KANK1: variants seen among roughly 807,000 people sequenced by gnomAD.
KANK1 encodes KN motif and ankyrin repeat domain-containing protein 1.
A neutral mutation model predicts 106.2 loss-of-function variants in KANK1; 109 were observed. The ratio of observed to expected loss-of-function variants is 1.03; its 90% confidence interval spans 0.88 to 1.20. KANK1 has a LOEUF of 1.20. Ranked by LOEUF, KANK1 falls within the 50% of genes most tolerant of loss-of-function variation. The pLI, the probability that KANK1 is intolerant of heterozygous loss-of-function variation, is 0.00. For missense variants in KANK1, 2,399 were observed against 1,710.7 expected, an observed-to-expected ratio of 1.40 and a Z score of -7.10; for synonymous variants, 873 against 652.2, an observed-to-expected ratio of 1.34 and a Z score of -5.16.
At chr9:640,776 A>T (rs893499304) in intron 1 of KANK1, among the ~76,000 whole-genome samples, 5 of 149,458 alleles carry the variant, frequency 3.3e-5, no homozygotes, top group Non-Finnish European at 5.9e-5. Flanking sequence ...GGCTCACTGC[A>T]AGCTCTGCCT....
At chr9:626,410 CAG>C (rs1252757116) in intron 1 of KANK1, among the ~76,000 whole-genome samples, 1 of 152,026 alleles carries the variant, frequency 6.6e-6, no homozygotes, top group Non-Finnish European at 1.5e-5. Context: ...AGCCGGGTGA[CAG>C]AGCGAGACTC....
intron 1 of KANK1, among the ~76,000 whole-genome samples, chr9:511,347 T>C (rs1193587341): frequency 6.6e-6 from 1 of 152,220 alleles, no homozygotes. Flanking sequence ...CTGTGACTTG[T>C]GACTGCTGAG....
rs1589109283 is a variant in KANK1 at position 711,196 on chromosome 9, TCAC to T, written c.434_436del (p.Pro145del). On this transcript the variant is annotated inframe_deletion, in exon 3 of 12. Transcript: ENST00000382297. The stretch of plus-strand genomic sequence containing the variant: ...AGAAAATCGACAGCTGCCACCTCCC[TCAC>T]CACAACTCCCAAAGCATAACCTTCA... 8 of 1,613,900 alleles carry T rather than the reference TCAC, an allele frequency of 5.0e-6. No homozygotes were observed. The East Asian group carries it at 1.8e-4, about 36-fold the overall frequency.
chr9:598,629 T>C (rs1456535300), intron 1 of KANK1, among the ~76,000 whole-genome samples: 12 of 102,678 alleles, frequency 1.2e-4, no homozygotes, highest in Non-Finnish European at 1.5e-4. Context: ...TCTTTTTTTT[T>C]TTTTTTTTTT....
At chr9:633,757 G>T (rs6477051) in intron 1 of KANK1, among the ~76,000 whole-genome samples, 43,453 of 151,986 alleles carry the variant, frequency 0.29, 6,222 homozygotes, top group East Asian at 0.34. Context: ...GACTCAAAGG[G>T]TGTTCCTGCC....
intron 1 of KANK1, among the ~76,000 whole-genome samples, chr9:527,506 G>C (rs942781986): frequency 6.6e-6 from 1 of 151,334 alleles, no homozygotes; most frequent in African/African-American, 2.5e-5. Flanking sequence ...TCACTATGTT[G>C]GCCAGGCTAG....
At chr9:484,793 G>A (rs891314215) in intron 3 of KANK1, among the ~76,000 whole-genome samples, 1 of 152,182 alleles carries the variant, frequency 6.6e-6, no homozygotes, top group Non-Finnish European at 1.5e-5. Flanking sequence ...TGAGCACTGG[G>A]CAGCACCCAG....
intron 3 of KANK1, among the ~76,000 whole-genome samples, chr9:486,056 T>C (rs2058289214): frequency 6.6e-6 from 1 of 152,140 alleles, no homozygotes; most frequent in African/African-American, 2.4e-5. Flanking sequence ...TTCCATCTCT[T>C]GCAATGGGAT....
In KANK1 at chr9:516,998, T is replaced by TACACACACACACACACACACACACACAC. The variant is rs148954863; in HGVS notation, c.-84+12246_-84+12273dup. 2.3e-4 allele frequency among the ~76,000 whole-genome samples: 34 copies of TACACACACACACACACACACACACACAC among 145,558 alleles called. 1 individual carries two copies. In the East Asian group the frequency reaches 3.1e-3, roughly 13 times the overall value. On this transcript the variant is annotated intron_variant, in intron 1 of 11. Coordinates refer to ENST00000382297, the MANE Select transcript of KANK1 (RefSeq NM_015158.5). ...GTGGTTTCTATTCTTCATCACCCTC[T>TACACACACACACACACACACACACACAC]ACACACACACACACACACACACACA...
At chr9:679,682 C>T (rs963162572) in intron 2 of KANK1, among the ~76,000 whole-genome samples, 1 of 152,166 alleles carries the variant, frequency 6.6e-6, no homozygotes, top group Non-Finnish European at 1.5e-5. Context: ...TTTGGGATTA[C>T]AGGCATGAGC....
intron 1 of KANK1, among the ~76,000 whole-genome samples, chr9:593,087 C>G (rs1825368233): frequency 6.6e-6 from 1 of 151,758 alleles, no homozygotes; most frequent in Admixed American, 6.6e-5. Context: ...TTAGATAATT[C>G]TGGCCGCCAG....
chr9:582,838 G>A (rs981309142), intron 1 of KANK1, among the ~76,000 whole-genome samples: 2 of 152,312 alleles, frequency 1.3e-5, no homozygotes, highest in Non-Finnish European at 2.9e-5. Context: ...ACAAAAGCGT[G>A]GGTTCAGATG....
intron 1 of KANK1, among the ~76,000 whole-genome samples, chr9:553,407 A>G (rs2061395097): frequency 6.6e-6 from 1 of 152,134 alleles, no homozygotes; most frequent in Non-Finnish European, 1.5e-5. Context: ...TGTGATTTTT[A>G]TTAAACATTT....
intron 1 of KANK1, among the ~76,000 whole-genome samples, chr9:615,103 C>G (rs536291309): frequency 6.6e-6 from 1 of 152,150 alleles, no homozygotes; most frequent in African/African-American, 2.4e-5. Context: ...CCATACCCAG[C>G]TAATTTTTAA....
At chr9:657,716 A>G (rs1367562814) in intron 1 of KANK1, among the ~76,000 whole-genome samples, 2 of 152,158 alleles carry the variant, frequency 1.3e-5, no homozygotes, top group South Asian at 2.1e-4. Flanking sequence ...CGTTGGTAAC[A>G]TAAATTTAAC....
intron 3 of KANK1, among the ~76,000 whole-genome samples, chr9:483,662 TAATGA>T (rs1259649295): frequency 1.3e-5 from 2 of 152,194 alleles, no homozygotes; most frequent in Non-Finnish European, 2.9e-5. Flanking sequence ...CATTGATCCA[TAATGA>T]AATGGAAGTT....
At chr9:471,919 G>T (rs578082643) in intron 2 of KANK1, among the ~76,000 whole-genome samples, 10 of 152,278 alleles carry the variant, frequency 6.6e-5, no homozygotes, top group Admixed American at 2.6e-4. Context: ...ACCAGGGACT[G>T]CGGCTGACTC....
rs555490051 is a variant in KANK1 at position 659,704 on chromosome 9, G to C, written c.-83-17186G>C. Among the ~76,000 whole-genome samples, 356 of 152,084 alleles carry C rather than the reference G, an allele frequency of 2.3e-3. 1 individual carries two copies. Among genetic ancestry groups the C allele is most frequent in the Non-Finnish European group, 3.9e-3 (264 of 67,992 alleles). On this transcript the variant is annotated intron_variant, in intron 1 of 11. Transcript: ENST00000382297. ...ATGTGGTGGGAGCAGGAGAAAAAGA[G>C]GGAAGAAGGTAATGCTATGCACTTT... is the stretch of plus-strand genomic sequence containing the variant.
chr9:633,206 C>A (rs1361096144), intron 1 of KANK1, among the ~76,000 whole-genome samples: 1 of 152,068 alleles, frequency 6.6e-6, no homozygotes, highest in Non-Finnish European at 1.5e-5. Context: ...GCCTGCAATC[C>A]CAGCACTTTG....
Sources: gnomAD v4.1 joint callset for allele counts (sites outside exome capture counted in the v4.1 genomes callset) on GRCh38, gnomAD v4.1.1 for gene constraint, MANE v1.5 for transcripts, NCBI Gene and HGNC (gene_info 2026-07-23, HGNC 2026-07-21) for gene names.